The following CCL5 variants were observed in gnomAD, a reference collection of about 807,000 sequenced individuals.
CCL5 encodes C-C motif chemokine 5.
In CCL5, 5 loss-of-function variants were observed where a neutral mutation model predicts 9.0. The ratio of observed to expected loss-of-function variants is 0.55; its 90% CI spans 0.29 to 1.16. CCL5 has a LOEUF of 1.16. Among genes scored for constraint, CCL5 ranks in the 50% most tolerant of loss-of-function variants. CCL5 has a pLI of 0.08. For synonymous variants in CCL5, 66 were observed against 72.0 expected (o/e 0.92, Z 0.42); for missense variants, 183 against 183.2 (o/e 1.00, Z 0.01).
In CCL5 at chr17:35,879,438, T is replaced by A. The variant is rs28914800; in HGVS notation, c.76+792A>T. 1.8e-3 allele frequency among the ~76,000 whole-genome samples: 277 copies of A among 152,172 alleles called. 3 individuals carry two copies. The East Asian group carries it at 0.038, about 21-fold the overall frequency. ...TCACGAGGTCAAGAGATCGAGACCA[T>A]CCTGGCTAACATGGTGAAACCCCGT... On this transcript the variant is annotated intron_variant, in intron 1 of 3. Transcript: ENST00000651122.
chr17:35,874,365 A>G (rs1473441349), intron 3 of CCL5, among the ~76,000 whole-genome samples: 2 of 152,156 alleles, frequency 1.3e-5, no homozygotes, highest in Non-Finnish European at 2.9e-5. Flanking sequence ...ACATGAACAC[A>G]ACTCACTGCA....
Position 35,872,464 on chromosome 17 carries a change from G to A in CCL5, c.271C>T (p.Leu91Phe), listed in dbSNP as rs767106130. 1 of 1,614,020 alleles carries A rather than the reference G, an allele frequency of 6.2e-7. No homozygotes were observed. Among genetic ancestry groups the A allele is most frequent in the South Asian group, 1.1e-5 (1 of 91,070 alleles). ...CTTGGCGGTTCTTTCGGGTGACAAA[G>A]CTGTGGGAGAGGAGAAGAAGAGGGA... Residue 91 changes from leucine (L) to phenylalanine (F), a missense_variant and splice_region_variant, in exon 4 of 4, where the codon CTT becomes TTT. Transcript: ENST00000651122.
chr17:35,873,809 A>T (rs1364602425), intron 3 of CCL5, among the ~76,000 whole-genome samples: 1 of 152,204 alleles, frequency 6.6e-6, no homozygotes, highest in Non-Finnish European at 1.5e-5. Flanking sequence ...TTTAGGGTGG[A>T]TGAGAGCAAC....
intron 1 of CCL5, among the ~76,000 whole-genome samples, chr17:35,879,167 C>A (rs1043138325): frequency 2.0e-5 from 3 of 152,204 alleles, no homozygotes; most frequent in African/African-American, 4.8e-5. Context: ...TCAGTTGCCA[C>A]TTCCCAGCAG....
chr17:35,878,462 G>A (rs2088471541), intron 2 of CCL5, 66 bp downstream of exon 2: 2 of 1,073,710 alleles, frequency 1.9e-6, no homozygotes, highest in Admixed American at 1.8e-5. Context: ...GAAGTGGGTA[G>A]GGCATCCTCT....
intron 1 of CCL5, among the ~76,000 whole-genome samples, chr17:35,879,406 G>T (rs1181301786): frequency 6.6e-6 from 1 of 152,034 alleles, no homozygotes; most frequent in Non-Finnish European, 1.5e-5. Flanking sequence ...AGGCCGAGGC[G>T]GGCGGATCAC....
chr17:35,872,888 C>CTTTTT (rs1021182092), intron 3 of CCL5, among the ~76,000 whole-genome samples: 1 of 146,290 alleles, frequency 6.8e-6, no homozygotes. Flanking sequence ...ACAAGAAGTT[C>CTTTTT]TTTTTTTTTT....
At chr17:35,878,437 G>T in intron 2 of CCL5, 91 bp downstream of exon 2, 1 of 826,062 alleles carries the variant, frequency 1.2e-6, no homozygotes, top group Non-Finnish European at 2.1e-6. Context: ...GCTGCTTGCA[G>T]CTGGAGGATA....
At position 35,879,693 on chromosome 17, in the gene CCL5, A is replaced by G. The variant is rs41415746; in HGVS notation, c.76+537T>C. ...AAAATCAGCACAATGCCTGATCCATAGTAACCATTTAATTAGCTTTTATTA... is the reference window on the plus strand; with the variant it reads ...AAAATCAGCACAATGCCTGATCCATGGTAACCATTTAATTAGCTTTTATTA... On this transcript the variant is annotated intron_variant, in intron 1 of 3. Transcript: ENST00000651122. 4.8e-3 allele frequency among the ~76,000 whole-genome samples: 724 copies of G among 151,472 alleles called. 7 individuals carry two copies. The highest frequency in any genetic ancestry group is 0.016 in the African/African-American group (660 of 41,336).
chr17:35,876,716 T>G (rs1376257119), intron 2 of CCL5, among the ~76,000 whole-genome samples: 1 of 152,248 alleles, frequency 6.6e-6, no homozygotes, highest in Non-Finnish European at 1.5e-5. Context: ...GACAGCTGCA[T>G]TTAGCACTTT....
At chr17:35,879,084 G>A (rs2088480076) in intron 1 of CCL5, among the ~76,000 whole-genome samples, 1 of 152,216 alleles carries the variant, frequency 6.6e-6, no homozygotes, top group South Asian at 2.1e-4. Context: ...AGCTCTGGTT[G>A]AGCTTCAGTG....
chr17:35,878,409 A>C, intron 2 of CCL5, 119 bp downstream of exon 2: 2 of 676,532 alleles, frequency 3.0e-6, no homozygotes, highest in Admixed American at 2.2e-5. Flanking sequence ...CTCTGAGGCT[A>C]GAGATGGAGG....
In CCL5 at chr17:35,880,291, C is replaced by G; in HGVS notation, c.15G>C (p.Ala5=). 5 of 1,612,748 alleles carry G rather than the reference C, an allele frequency of 3.1e-6. No individual in the cohort carries two copies. Among genetic ancestry groups the G allele is most frequent in the Non-Finnish European group, 4.2e-6 (5 of 1,179,456 alleles). Residue 5 remains alanine (A), a synonymous_variant, in exon 1 of 4, where the codon GCG becomes GCC. Transcript: ENST00000651122. ...CAATGAGGATGACAGCGAGGGCTGC[C>G]GCGGAGACCTTCATGGTACCTGTGG... is the stretch of plus-strand genomic sequence containing the variant.
At chr17:35,873,888 T>C (rs1182675740) in intron 3 of CCL5, among the ~76,000 whole-genome samples, 2 of 152,136 alleles carry the variant, frequency 1.3e-5, no homozygotes, top group Admixed American at 6.5e-5. Flanking sequence ...ATAATGGCAA[T>C]GTCAAAGCAC....
chr17:35,877,808 T>C (rs540333392), intron 2 of CCL5, among the ~76,000 whole-genome samples: 1 of 152,352 alleles, frequency 6.6e-6, no homozygotes, highest in East Asian at 1.9e-4. Flanking sequence ...ACTACAGTTA[T>C]AGATCCCTGA....
intron 3 of CCL5, among the ~76,000 whole-genome samples, chr17:35,874,893 T>C (rs1264987227): frequency 6.6e-6 from 1 of 152,168 alleles, no homozygotes; most frequent in Non-Finnish European, 1.5e-5. Context: ...ATCACAGACG[T>C]GAGCCACCGC....
At chr17:35,873,011 T>C (rs2088393008) in intron 3 of CCL5, among the ~76,000 whole-genome samples, 1 of 151,420 alleles carries the variant, frequency 6.6e-6, no homozygotes, top group Non-Finnish European at 1.5e-5. Flanking sequence ...TGCCTTAGTC[T>C]CCCAAGTAGT....
chr17:35,875,564 G>A lies in CCL5; in HGVS notation c.267C>T (p.Gly89=), dbSNP rs2088431421. ...TGTGAGAGTTTCAGACACAGACCTT[G>A]CCCTTGTTCAGCCGGGAGTCATACA... Residue 89 remains glycine (G), a synonymous_variant, in exon 3 of 4, where the codon GGC becomes GGT. Coordinates refer to ENST00000651122, the MANE Select transcript of CCL5 (RefSeq NM_001278736.2). 1 of 984,196 alleles carries A rather than the reference G, an allele frequency of 1.0e-6. No homozygotes were observed. Among genetic ancestry groups the A allele is most frequent in the Non-Finnish European group, 1.2e-6 (1 of 828,830 alleles). 61.0% of individuals were successfully genotyped at this position (984,196 alleles called of 1,614,324 possible).
intron 3 of CCL5, among the ~76,000 whole-genome samples, chr17:35,873,740 G>T (rs2144020636): frequency 6.6e-6 from 1 of 152,328 alleles, no homozygotes. Context: ...TAATATGTAT[G>T]AATAAGTTTG....
Sources: gnomAD v4.1 joint callset for allele counts (sites outside exome capture counted in the v4.1 genomes callset) on GRCh38, gnomAD v4.1.1 for gene constraint, MANE v1.5 for transcripts, NCBI Gene and HGNC (gene_info 2026-07-23, HGNC 2026-07-21) for gene names.